SCML1: variants seen among roughly 807,000 people sequenced by gnomAD.
SCML1 encodes the protein sex comb on midleg-like protein 1.
For missense variants in SCML1, 137 were observed against 258.1 expected (o/e 0.53, Z 3.22); for synonymous variants, 104 against 103.6 (o/e 1.00, Z -0.02).
intron 1 of SCML1, among the ~76,000 whole-genome samples, chrX:17,742,118 A>G (rs2066600615): frequency 9.0e-6 from 1 of 111,547 alleles, no homozygotes; most frequent in Non-Finnish European, 1.9e-5. Context: ...TGTTATAAAA[A>G]CTGGACCCAG....
rs140678210 is a variant in SCML1 at position 17,739,576 on chromosome X, C to T, written c.-117+1896C>T. On this transcript the variant is annotated intron_variant, in intron 1 of 7. Coordinates refer to ENST00000380041, the MANE Select transcript of SCML1 (RefSeq NM_001037540.3). ...GGTGTTATCAAGAATTGGCCAGGCG[C>T]GGTGGCTCACACCTGTAATCCCAGC... Among the ~76,000 whole-genome samples the T allele has an allele frequency of 7.1e-3, 785 of 110,687 alleles. 7 individuals carry two copies. The highest frequency in any genetic ancestry group is 0.018 in the African/African-American group (543 of 30,402).
At chrX:17,742,741 T>C (rs2066608172) in intron 1 of SCML1, among the ~76,000 whole-genome samples, 1 of 112,404 alleles carries the variant, frequency 8.9e-6, no homozygotes, top group Admixed American at 9.4e-5. Flanking sequence ...TAGAAGTAAC[T>C]TGAATATCTA....
rs771914819 is a variant in SCML1, at chrX:17,749,504, T to C, written c.303T>C (p.His101=). Residue 101 remains histidine (H), a splice_region_variant and synonymous_variant, in exon 5 of 8, where the codon CAT becomes CAC. Transcript: ENST00000380041. ...RFHARSLWTN[H]KRYGYKKHSY... Reference sequence around the variant, plus strand: ...ATGCGAGATCCCTGTGGACAAATCATGTAAGTGTTATAAAAAACATTTTTA... The same window carrying C: ...ATGCGAGATCCCTGTGGACAAATCACGTAAGTGTTATAAAAAACATTTTTA... 2 of 1,121,380 alleles carry C rather than the reference T, an allele frequency of 1.8e-6. No individual in the cohort carries two copies. The highest frequency in any genetic ancestry group is 1.9e-5 in the South Asian group (1 of 51,755). 92.4% of individuals were successfully genotyped at this position (1,121,380 alleles called of 1,213,427 possible).
At chrX:17,741,139 A>G (rs988083633) in intron 1 of SCML1, among the ~76,000 whole-genome samples, 3 of 111,989 alleles carry the variant, frequency 2.7e-5, no homozygotes, top group Admixed American at 9.4e-5. Context: ...TTTGTGGAAG[A>G]CAATTTTTCC....
chrX:17,745,642 G>T, intron 3 of SCML1, 103 bp downstream of exon 3: 1 of 448,885 alleles, frequency 2.2e-6, no homozygotes. Flanking sequence ...TCACACTCAA[G>T]AAAATATCTC....
chrX:17,747,746 C>T (rs911314002), intron 4 of SCML1, among the ~76,000 whole-genome samples: 9 of 111,745 alleles, frequency 8.1e-5, no homozygotes, highest in African/African-American at 2.3e-4. Context: ...ACTGTTGGAC[C>T]GGGTGTAGTG....
In SCML1 at chrX:17,750,265, T is replaced by C. The variant is rs1205076825; in HGVS notation, c.675T>C (p.Thr225=). 1 of 1,205,660 alleles carries C rather than the reference T, an allele frequency of 8.3e-7. No homozygotes were observed. The highest frequency in any genetic ancestry group is 1.7e-5 in the African/African-American group (1 of 57,272). ...RADSIHNTYS[T]DHASAAPPSV... ...ACAGCATCCACAACACTTACTCAAC[T>C]GACCATGCTTCTGCAGCACCACCTT... The change falls in exon 6 of 8, where the codon ACT becomes ACC. Residue 225 remains threonine, a synonymous_variant. Transcript: ENST00000380041.
chrX:17,744,400 C>T, intron 2 of SCML1, 181 bp downstream of exon 2: 1 of 350,284 alleles, frequency 2.9e-6, no homozygotes, highest in Non-Finnish European at 4.9e-6. Context: ...TGTGAACACA[C>T]ACTTAAATTT....
intron 7 of SCML1, among the ~76,000 whole-genome samples, chrX:17,752,213 C>A (rs2066716976): frequency 8.9e-6 from 1 of 111,897 alleles, no homozygotes; most frequent in Non-Finnish European, 1.9e-5. Flanking sequence ...TTCAGCATGG[C>A]CACTCAGGTG....
chrX:17,749,722 G>A lies in SCML1; in HGVS notation c.304-172G>A. 7.6e-6 allele frequency: 4 copies of A among 525,588 alleles called. No homozygotes were observed. In the South Asian group the frequency reaches 1.4e-4, roughly 19 times the overall value. The allele number at this position is 525,588 out of a possible 1,213,427, so 43.3% of individuals were successfully genotyped here. On this transcript the variant is annotated intron_variant, in intron 5 of 7. Transcript: ENST00000380041. Reference sequence around the variant, plus strand: ...CTATTTTTATGTTTGTAATTATAATGTGTAAAATACAATTAAAATGTAGGA... The same window carrying A: ...CTATTTTTATGTTTGTAATTATAATATGTAAAATACAATTAAAATGTAGGA...
chrX:17,749,824 A>G, intron 5 of SCML1, 70 bp from the exon 6 acceptor site: 1 of 961,035 alleles, frequency 1.0e-6, no homozygotes, highest in South Asian at 2.3e-5. Context: ...ATAAGTATTA[A>G]TGTATTTGCT....
chrX:17,746,574 T>C, intron 4 of SCML1, among the ~76,000 whole-genome samples: 1 of 112,452 alleles, frequency 8.9e-6, no homozygotes, highest in East Asian at 2.8e-4. Context: ...TTTTGTGAGT[T>C]GCATACCCCA....
chrX:17,744,036 T>A (rs2066623251), intron 1 of SCML1, 35 bp from the exon 2 acceptor site: 10 of 452,531 alleles, frequency 2.2e-5, no homozygotes, highest in Middle Eastern at 7.0e-4. Flanking sequence ...AGGTAGTAAG[T>A]GTATGAAGTA....
At position 17,753,391 on chromosome X, in the gene SCML1, G is replaced by GA; in HGVS notation, c.*5dup. 8.9e-7 allele frequency: 1 copy of GA among 1,119,739 alleles called. No individual in the cohort carries two copies. The highest frequency in any genetic ancestry group is 3.2e-5 in the East Asian group (1 of 31,376). 92.3% of individuals were successfully genotyped at this position (1,119,739 alleles called of 1,213,427 possible). A position where few individuals can be genotyped will look rare whatever the true frequency, so the allele number is the denominator to read the frequency against. ...AAACAAGGAAAATGCTTTGAAAATT[G>GA]AAAAAATCCTTGTGCAAATTTAGAT... ...RLKQGKCFEN[*] Residue 330 remains the stop codon, a frameshift_variant and stop_retained_variant, in exon 8 of 8, where the codon TGA becomes TGAA. Coordinates refer to ENST00000380041, the MANE Select transcript of SCML1 (RefSeq NM_001037540.3). LOFTEE classifies it high-confidence loss of function.
chrX:17,744,289 T>G, intron 2 of SCML1, 70 bp downstream of exon 2: 3 of 880,829 alleles, frequency 3.4e-6, no homozygotes, highest in Non-Finnish European at 3.3e-6. Context: ...AAATTTAGTT[T>G]AATTTTATAC....
At position 17,752,054 on chromosome X, in the gene SCML1, T is replaced by C. The variant is rs1433423020; in HGVS notation, c.855+88T>C. The C allele has an allele frequency of 3.1e-6, 3 of 960,699 alleles. No homozygotes were observed. The African/African-American group carries it at 5.8e-5, about 19-fold the overall frequency. The allele number at this position is 960,699 out of a possible 1,213,427, so 79.2% of individuals were successfully genotyped here. Reference sequence around the variant, plus strand: ...TTTCAGTTGGATACTGTGTGAATGGTGGGAGAACCCTATTAGCTGATTTTT... The same window carrying C: ...TTTCAGTTGGATACTGTGTGAATGGCGGGAGAACCCTATTAGCTGATTTTT... On this transcript the variant is annotated intron_variant, in intron 7 of 7. Coordinates refer to ENST00000380041, the MANE Select transcript of SCML1 (RefSeq NM_001037540.3).
chrX:17,751,427 C>G (rs1315322327), intron 6 of SCML1, among the ~76,000 whole-genome samples: 1 of 112,017 alleles, frequency 8.9e-6, no homozygotes, highest in Non-Finnish European at 1.9e-5. Context: ...GAGAGAAATT[C>G]CTTGAAATAC....
At chrX:17,745,917 T>C (rs1232691769) in intron 3 of SCML1, 101 bp from the exon 4 acceptor site, 3 of 440,363 alleles carry the variant, frequency 6.8e-6, no homozygotes, top group Non-Finnish European at 1.1e-5. Flanking sequence ...TGGTGATAAA[T>C]AAAAACAATT....
At chrX:17,747,183 A>T (rs934112397) in intron 4 of SCML1, among the ~76,000 whole-genome samples, 1 of 111,252 alleles carries the variant, frequency 9.0e-6, no homozygotes, top group Admixed American at 9.5e-5. Context: ...ACAGCCAACC[A>T]ACTGCCCTCA....
Sources: gnomAD v4.1 joint callset for allele counts (sites outside exome capture counted in the v4.1 genomes callset) on GRCh38, gnomAD v4.1.1 for gene constraint, MANE v1.5 for transcripts, NCBI Gene and HGNC (gene_info 2026-07-23, HGNC 2026-07-21) for gene names.